The following ZMYND8 variants were observed in gnomAD, a reference collection of about 807,000 sequenced individuals.
The protein encoded by ZMYND8 is zinc finger MYND-type containing 8.
In ZMYND8, 37 loss-of-function variants were observed where a neutral mutation model predicts 140.8. The observed-to-expected ratio is 0.26, with a 90% CI of 0.20 to 0.35. The LOEUF (loss-of-function observed/expected upper bound fraction) is 0.35, where lower values mean the gene tolerates loss of function less well. Ranked by LOEUF, ZMYND8 falls within the 10% of genes least tolerant of loss-of-function variation. The pLI is 1.00. For synonymous variants in ZMYND8, 592 were observed against 597.1 expected, an observed-to-expected ratio of 0.99 and a Z score of 0.12; for missense variants, 1,068 against 1,570.0, an observed-to-expected ratio of 0.68 and a Z score of 5.40.
At chr20:47,258,335 T>C (rs2074910197) in intron 12 of ZMYND8, among the ~76,000 whole-genome samples, 1 of 152,266 alleles carries the variant, frequency 6.6e-6, no homozygotes, top group Non-Finnish European at 1.5e-5. Flanking sequence ...CTTGCTTCTC[T>C]GTGCCCCAGT....
At chr20:47,337,385 G>A (rs1026839442) in intron 2 of ZMYND8, among the ~76,000 whole-genome samples, 4 of 150,502 alleles carry the variant, frequency 2.7e-5, no homozygotes, top group African/African-American at 7.3e-5. Flanking sequence ...TAAATCAAAG[G>A]GCCGGGAGTG....
Position 47,220,250 on chromosome 20 carries a change from C to G in ZMYND8, c.3484+8G>C, listed in dbSNP as rs1324667888. On this transcript the variant is annotated splice_region_variant and intron_variant, in intron 21 of 22. Coordinates refer to ENST00000471951, the MANE Select transcript of ZMYND8 (RefSeq NM_001281775.3). ...AAAGCACCGTTCGCCCACCAGGGGG[C>G]AACATACCAGAGCCTTGGTTGGAGC... is the stretch of plus-strand genomic sequence containing the variant. The G allele has an allele frequency of 1.9e-6, 3 of 1,558,406 alleles. No individual in the cohort carries two copies. The highest frequency in any genetic ancestry group is 2.6e-6 in the Non-Finnish European group (3 of 1,150,228).
At position 47,226,035 on chromosome 20, in the gene ZMYND8, C is replaced by A. The variant is rs146115708; in HGVS notation, c.3016+1168G>T. ...GCATGGTGGTGCATGCCTGTAATCC[C>A]AGCTACTCGGGAGGCTGAGGCATGA... On this transcript the variant is annotated intron_variant, in intron 18 of 22. Coordinates refer to ENST00000471951, the MANE Select transcript of ZMYND8 (RefSeq NM_001281775.3). 1.6e-3 allele frequency among the ~76,000 whole-genome samples: 241 copies of A among 151,874 alleles called. 1 individual carries two copies. The highest frequency in any genetic ancestry group is 5.7e-3 in the African/African-American group (234 of 41,348).
At chr20:47,211,365 C>T (rs538900240) in intron 22 of ZMYND8, among the ~76,000 whole-genome samples, 2 of 152,300 alleles carry the variant, frequency 1.3e-5, no homozygotes, top group African/African-American at 2.4e-5. Flanking sequence ...AATGGCCTTA[C>T]AACCAAATCA....
At chr20:47,313,355 G>T (rs931750343) in intron 2 of ZMYND8, among the ~76,000 whole-genome samples, 1 of 152,152 alleles carries the variant, frequency 6.6e-6, no homozygotes, top group Non-Finnish European at 1.5e-5. Context: ...GGGCGCAGTG[G>T]CTCACGCCTG....
intron 2 of ZMYND8, among the ~76,000 whole-genome samples, chr20:47,315,575 T>A (rs1378028965): frequency 2.0e-5 from 3 of 152,162 alleles, no homozygotes; most frequent in African/African-American, 7.2e-5. Context: ...GATGATGGAC[T>A]GGTGGGTGTA....
At chr20:47,294,898 C>A in intron 4 of ZMYND8, 119 bp from the exon 5 acceptor site, 6 of 872,268 alleles carry the variant, frequency 6.9e-6, no homozygotes, top group Non-Finnish European at 1.1e-5. Context: ...CCCAATGAGA[C>A]TTGTTGTTTC....
At chr20:47,346,349 C>G (rs531109056) in intron 2 of ZMYND8, among the ~76,000 whole-genome samples, 1 of 152,326 alleles carries the variant, frequency 6.6e-6, no homozygotes, top group East Asian at 1.9e-4. Flanking sequence ...TGGCTCAGCT[C>G]TCTTCACCAT....
chr20:47,333,215 A>T lies in ZMYND8; in HGVS notation c.85+14641T>A, dbSNP rs567588789. ...ATATATATATGAGAGAGAGAGAGATAAAAAAACACAAATGCATTTAAGCCA... is the reference window on the plus strand; with the variant it reads ...ATATATATATGAGAGAGAGAGAGATTAAAAAACACAAATGCATTTAAGCCA... On this transcript the variant is annotated intron_variant, in intron 2 of 22. Transcript: ENST00000471951. Among the ~76,000 whole-genome samples, 27 of 150,516 alleles carry T rather than the reference A, an allele frequency of 1.8e-4. No individual in the cohort carries two copies. In the South Asian group the frequency reaches 5.4e-3, roughly 30 times the overall value.
chr20:47,292,978 G>A (rs1404508635), intron 5 of ZMYND8, among the ~76,000 whole-genome samples: 1 of 151,020 alleles, frequency 6.6e-6, no homozygotes, highest in African/African-American at 2.4e-5. Context: ...TGGGAGGATC[G>A]CCTGAGCCCA....
At chr20:47,352,097 C>T in intron 1 of ZMYND8, 1 of 763,276 alleles carries the variant, frequency 1.3e-6, no homozygotes, top group East Asian at 1.3e-4. Flanking sequence ...AGCCCCGTGG[C>T]ACAAACTGCA....
At position 47,276,669 on chromosome 20, in the gene ZMYND8, C is replaced by A. The variant is rs2076277180; in HGVS notation, c.1125G>T (p.Arg375Ser). ...GAGAGTAATTAAAAACCCCAAACTT[C>A]CTGCGGATGTTCTCCACGTAAACCT... ...EMEVYVENIR[R>S]KFGVFNYSPF... Residue 375 changes from arginine (R) to serine (S), a missense_variant, in exon 11 of 23, where the codon AGG (arginine) becomes AGT (serine). Coordinates refer to ENST00000471951, the MANE Select transcript of ZMYND8 (RefSeq NM_001281775.3). 6.2e-7 allele frequency: 1 copy of A among 1,613,890 alleles called. No individual in the cohort carries two copies.
chr20:47,263,473 A>T (rs2075295646), intron 11 of ZMYND8, among the ~76,000 whole-genome samples: 1 of 152,256 alleles, frequency 6.6e-6, no homozygotes, highest in African/African-American at 2.4e-5. Context: ...GAAAACTCAG[A>T]ACAAGGCTTC....
intron 2 of ZMYND8, among the ~76,000 whole-genome samples, chr20:47,338,456 G>A (rs758781091): frequency 9.2e-5 from 14 of 152,048 alleles, no homozygotes; most frequent in Non-Finnish European, 1.8e-4. Context: ...CACTGAGCCT[G>A]GAGATCATCC....
At chr20:47,238,008 C>T (rs988709643) in intron 15 of ZMYND8, 13 of 152,354 alleles carry the variant, frequency 8.5e-5, no homozygotes, top group Admixed American at 2.0e-4. Flanking sequence ...CTAAGGTAAC[C>T]TTCGCTATCA....
At chr20:47,215,229 T>G (rs546688537) in intron 21 of ZMYND8, among the ~76,000 whole-genome samples, 27 of 152,218 alleles carry the variant, frequency 1.8e-4, no homozygotes, top group African/African-American at 6.3e-4. Context: ...AAAAATTAGC[T>G]GGGCGTGGTG....
At chr20:47,354,188 G>A (rs2083026406) in intron 1 of ZMYND8, 1 of 152,198 alleles carries the variant, frequency 6.6e-6, no homozygotes, top group Admixed American at 6.5e-5. Flanking sequence ...GCTTGGTCCA[G>A]GGTTGGGAAC....
intron 20 of ZMYND8, 138 bp from the exon 21 acceptor site, chr20:47,220,462 G>T: frequency 1.4e-6 from 1 of 732,876 alleles, no homozygotes; most frequent in Non-Finnish European, 2.3e-6. Context: ...ACGGTCAGGT[G>T]GGAGTGATGG....
intron 12 of ZMYND8, among the ~76,000 whole-genome samples, chr20:47,252,410 C>A (rs1242601443): frequency 3.3e-5 from 5 of 151,816 alleles, no homozygotes; most frequent in Non-Finnish European, 5.9e-5. Context: ...TTGAGGCCTC[C>A]CTCGGAATTT....
Sources: gnomAD v4.1 joint callset for allele counts (sites outside exome capture counted in the v4.1 genomes callset) on GRCh38, gnomAD v4.1.1 for gene constraint, MANE v1.5 for transcripts, NCBI Gene and HGNC (gene_info 2026-07-23, HGNC 2026-07-21) for gene names.